The following MAPK9 variants were observed in gnomAD, a reference collection of about 807,000 sequenced individuals.
MAPK9 encodes mitogen-activated protein kinase 9.
A neutral mutation model predicts 57.1 loss-of-function variants in MAPK9; 30 were observed. That is an observed-to-expected ratio of 0.53 (90% CI 0.39 to 0.71). MAPK9 has a LOEUF of 0.71. MAPK9 is among the 30% of genes least tolerant of loss of function. MAPK9 has a pLI of 0.00. For missense variants in MAPK9, 362 were observed against 521.0 expected, an observed-to-expected ratio of 0.69 and a Z score of 2.97; for synonymous variants, 155 against 177.0, an observed-to-expected ratio of 0.88 and a Z score of 0.99.
At chr5:180,272,745 T>C (rs1430309405) in intron 2 of MAPK9, among the ~76,000 whole-genome samples, 1 of 152,240 alleles carries the variant, frequency 6.6e-6, no homozygotes, top group African/African-American at 2.4e-5. Context: ...ATTACGTTGA[T>C]AGATATTTCA....
At chr5:180,277,046 G>C (rs893676020) in intron 2 of MAPK9, among the ~76,000 whole-genome samples, 7 of 152,154 alleles carry the variant, frequency 4.6e-5, no homozygotes, top group African/African-American at 1.7e-4. Context: ...CTACCTGCAC[G>C]TTGGTTTATC....
intron 3 of MAPK9, among the ~76,000 whole-genome samples, chr5:180,267,507 A>AAT (rs1253312092): frequency 8.6e-4 from 125 of 144,620 alleles, no homozygotes; most frequent in Non-Finnish European, 1.8e-3. Context: ...GCTTGCAGTG[A>AAT]GCTGAGATCG....
chr5:180,273,325 G>T (rs1320107067), intron 2 of MAPK9, among the ~76,000 whole-genome samples: 2 of 151,544 alleles, frequency 1.3e-5, no homozygotes, highest in Middle Eastern at 3.4e-3. Flanking sequence ...CTTGATCTTG[G>T]TTTTTTAAAA....
At chr5:180,255,660 C>T (rs967176645) in intron 5 of MAPK9, among the ~76,000 whole-genome samples, 3 of 152,088 alleles carry the variant, frequency 2.0e-5, no homozygotes, top group South Asian at 2.1e-4. Flanking sequence ...AGCATTTACA[C>T]GCTCACGATG....
At chr5:180,252,979 G>C (rs1758868353) in intron 5 of MAPK9, among the ~76,000 whole-genome samples, 1 of 152,188 alleles carries the variant, frequency 6.6e-6, no homozygotes, top group Non-Finnish European at 1.5e-5. Context: ...GTAGAGCTGA[G>C]GGGGCCAGGG....
chr5:180,284,501 C>T (rs895446176), intron 1 of MAPK9, among the ~76,000 whole-genome samples: 4 of 152,322 alleles, frequency 2.6e-5, no homozygotes, highest in African/African-American at 9.6e-5. Flanking sequence ...TTCACAGTAT[C>T]GACCGAGGCA....
chr5:180,282,026 G>T (rs919852228), intron 1 of MAPK9, among the ~76,000 whole-genome samples: 1 of 152,206 alleles, frequency 6.6e-6, no homozygotes, highest in African/African-American at 2.4e-5. Flanking sequence ...GTGAGAAGGG[G>T]ACTCAGGAGC....
chr5:180,267,561 C>CAA (rs34776289), intron 3 of MAPK9, among the ~76,000 whole-genome samples: 20 of 89,828 alleles, frequency 2.2e-4, no homozygotes, highest in Admixed American at 1.2e-3. Flanking sequence ...GACTCCGTCT[C>CAA]AAAAAAAAAA....
chr5:180,288,674 G>C (rs758544865), intron 1 of MAPK9, among the ~76,000 whole-genome samples: 3 of 152,104 alleles, frequency 2.0e-5, no homozygotes, highest in African/African-American at 7.2e-5. Context: ...CCACTGCTCC[G>C]AGCTACCCTA....
intron 1 of MAPK9, among the ~76,000 whole-genome samples, chr5:180,284,188 T>C (rs139345278): frequency 2.0e-5 from 3 of 152,300 alleles, no homozygotes; most frequent in Non-Finnish European, 4.4e-5. Flanking sequence ...GTTTTACAAA[T>C]CGGGAAGTAC....
At chr5:180,241,494 T>A (rs546001504) in intron 8 of MAPK9, among the ~76,000 whole-genome samples, 106 of 152,222 alleles carry the variant, frequency 7.0e-4, no homozygotes, top group African/African-American at 2.5e-3. Context: ...AGAGACAGGG[T>A]TTCACTGTGT....
chr5:180,248,643 G>C (rs1758365754), intron 6 of MAPK9, among the ~76,000 whole-genome samples: 1 of 152,222 alleles, frequency 6.6e-6, no homozygotes, highest in African/African-American at 2.4e-5. Context: ...GCGAGGAGGG[G>C]CCATGGGGAG....
Position 180,247,430 on chromosome 5 carries a change from G to C in MAPK9, c.688+9C>G, listed in dbSNP as rs758019397. The C allele has an allele frequency of 3.1e-6, 5 of 1,614,054 alleles. No homozygotes were observed. The highest frequency in any genetic ancestry group is 2.2e-5 in the East Asian group (1 of 44,900). ...AGCATGGCGGGGCCAAGGTCGCGGG[G>C]AAGGATACGGTCAGTGCCTTGGAAT... On this transcript the variant is annotated intron_variant, in intron 7 of 11. Transcript: ENST00000452135. The surrounding 1 kb of genome is among the most constrained non-coding windows in gnomAD (Gnocchi z 4.5).
intron 7 of MAPK9, among the ~76,000 whole-genome samples, chr5:180,243,528 C>T (rs7445806): frequency 0.41 from 62,629 of 151,982 alleles, 13,467 homozygotes; most frequent in East Asian, 0.75. Context: ...TGAAACTGTA[C>T]TCGCTATACA....
intron 3 of MAPK9, among the ~76,000 whole-genome samples, chr5:180,267,695 C>A (rs1235017787): frequency 6.6e-6 from 1 of 151,960 alleles, no homozygotes; most frequent in Non-Finnish European, 1.5e-5. Context: ...TAAGACCCCA[C>A]CTCTACAAAC....
chr5:180,285,535 G>T (rs555687610), intron 1 of MAPK9, among the ~76,000 whole-genome samples: 2 of 152,162 alleles, frequency 1.3e-5, no homozygotes, highest in East Asian at 3.8e-4. Flanking sequence ...CAGGACATGC[G>T]ATATTTAAAT....
intron 10 of MAPK9, 70 bp downstream of exon 10, chr5:180,239,854 T>C: frequency 6.8e-7 from 1 of 1,474,764 alleles, no homozygotes; most frequent in Non-Finnish European, 9.5e-7. Context: ...TGTCACAAAA[T>C]GAAAAGCCTC....
intron 8 of MAPK9, 85 bp from the exon 9 acceptor site, chr5:180,241,240 G>T: frequency 7.9e-7 from 1 of 1,262,156 alleles, no homozygotes; most frequent in Non-Finnish European, 1.1e-6. Flanking sequence ...TGACAACACA[G>T]ATAGAACAAA....
intron 1 of MAPK9, among the ~76,000 whole-genome samples, chr5:180,283,294 T>C (rs529741578): frequency 6.6e-6 from 1 of 152,348 alleles, no homozygotes; most frequent in East Asian, 1.9e-4. Context: ...CAGATCACTT[T>C]TATTTTTCTT....
Sources: allele counts gnomAD v4.1 joint callset (sites outside exome capture counted in the v4.1 genomes callset), GRCh38; gene constraint gnomAD v4.1.1; non-coding constraint Gnocchi (gnomAD v3.1); transcripts MANE v1.5; gene names NCBI Gene and HGNC (gene_info 2026-07-23, HGNC 2026-07-21).